POLA1: variants seen among roughly 807,000 people sequenced by gnomAD.
POLA1 encodes the protein DNA polymerase alpha catalytic subunit.
In POLA1, 15 loss-of-function variants were observed where a neutral mutation model predicts 124.0. That is an observed-to-expected ratio of 0.12 (90% confidence interval 0.08 to 0.19). POLA1 has a LOEUF of 0.19. Among genes scored for constraint, POLA1 ranks in the 10% least tolerant of loss-of-function variants. The pLI, the probability that POLA1 is intolerant of heterozygous loss-of-function variation, is 1.00. For synonymous variants in POLA1, 408 were observed against 389.4 expected (o/e 1.05, Z -0.56); for missense variants, 886 against 1,103.4 (o/e 0.80, Z 2.79).
At chrX:24,865,333 A>G (rs1371979025) in intron 34 of POLA1, among the ~76,000 whole-genome samples, 1 of 112,155 alleles carries the variant, frequency 8.9e-6, no homozygotes. Context: ...GGCCCTTTGT[A>G]TTCTCACCAA....
chrX:24,702,993 A>G (rs1928560589), intron 2 of POLA1, among the ~76,000 whole-genome samples: 1 of 112,053 alleles, frequency 8.9e-6, no homozygotes, highest in Non-Finnish European at 1.9e-5. Context: ...TGAGTAATTG[A>G]TGGTATGACA....
At chrX:24,858,052 G>C (rs1401349129) in intron 34 of POLA1, among the ~76,000 whole-genome samples, 4 of 111,985 alleles carry the variant, frequency 3.6e-5, no homozygotes, top group Non-Finnish European at 3.8e-5. Context: ...TTATAAATAA[G>C]AAGGGAGTTA....
intron 16 of POLA1, 152 bp downstream of exon 16, chrX:24,732,606 T>G: frequency 5.1e-6 from 2 of 388,513 alleles, no homozygotes; most frequent in Non-Finnish European, 4.4e-6. Flanking sequence ...TTTGTTTTTT[T>G]TTTTTTTGCC....
chrX:24,836,395 A>G (rs1166584134), intron 32 of POLA1, among the ~76,000 whole-genome samples: 1 of 111,829 alleles, frequency 8.9e-6, no homozygotes, highest in African/African-American at 3.2e-5. Flanking sequence ...GAGAATTGCT[A>G]GGCCATCAGG....
At chrX:24,828,370 T>C (rs1026699253) in intron 32 of POLA1, among the ~76,000 whole-genome samples, 1 of 112,109 alleles carries the variant, frequency 8.9e-6, no homozygotes, top group Non-Finnish European at 1.9e-5. Context: ...TCTTGGCACA[T>C]AGGTAGTAAG....
intron 36 of POLA1, among the ~76,000 whole-genome samples, chrX:24,970,063 G>T (rs760354525): frequency 8.9e-6 from 1 of 112,151 alleles, no homozygotes; most frequent in Admixed American, 9.5e-5. Context: ...TCTTTATTCA[G>T]TCTGTCATTG....
intron 26 of POLA1, among the ~76,000 whole-genome samples, chrX:24,779,604 C>T (rs2045218313): frequency 8.9e-6 from 1 of 111,746 alleles, no homozygotes; most frequent in African/African-American, 3.3e-5. Context: ...GGTAAAAGAA[C>T]CTTCTTAAGG....
intron 34 of POLA1, among the ~76,000 whole-genome samples, chrX:24,865,421 G>C (rs1332058201): frequency 9.0e-6 from 1 of 111,647 alleles, no homozygotes; most frequent in Non-Finnish European, 1.9e-5. Flanking sequence ...TTTTTTACTT[G>C]TTTGTCTGTT....
intron 36 of POLA1, among the ~76,000 whole-genome samples, chrX:24,968,978 G>A (rs1162888547): frequency 2.7e-5 from 3 of 111,430 alleles, no homozygotes; most frequent in Non-Finnish European, 5.6e-5. Flanking sequence ...GGAGGCTAAG[G>A]TGGGCATATC....
At chrX:24,728,690 A>G (rs1930699937) in intron 15 of POLA1, among the ~76,000 whole-genome samples, 1 of 111,647 alleles carries the variant, frequency 9.0e-6, no homozygotes, top group Admixed American at 9.5e-5. Context: ...TTTCCTCTAT[A>G]CCAGGGGTTG....
At chrX:24,700,832 A>G (rs1374009890) in intron 2 of POLA1, among the ~76,000 whole-genome samples, 1 of 111,948 alleles carries the variant, frequency 8.9e-6, no homozygotes, top group African/African-American at 3.3e-5. Flanking sequence ...TTTTTAATGT[A>G]GGTACTTGTA....
At chrX:24,789,480 T>C (rs113853076) in intron 26 of POLA1, among the ~76,000 whole-genome samples, 4,934 of 110,722 alleles carry the variant, frequency 0.045, 292 homozygotes, top group African/African-American at 0.15. Context: ...CATTATAAAC[T>C]ATAAAACATT....
chrX:24,985,003 T>G (rs1298680961), intron 36 of POLA1, among the ~76,000 whole-genome samples: 1 of 110,851 alleles, frequency 9.0e-6, no homozygotes, highest in Non-Finnish European at 1.9e-5. Flanking sequence ...AGTAGGAGTT[T>G]TGTGTGTGTG....
At position 24,955,134 on chromosome X, in the gene POLA1, G is replaced by T. The variant is rs192336778; in HGVS notation, c.4261+24585G>T. 1.4e-3 allele frequency among the ~76,000 whole-genome samples: 153 copies of T among 107,256 alleles called. 1 individual carries two copies. The highest frequency in any genetic ancestry group is 5.0e-3 in the East Asian group (17 of 3,401). 93.1% of individuals were successfully genotyped at this position (107,256 alleles called of 115,157 possible). On this transcript the variant is annotated intron_variant, in intron 36 of 36. Transcript: ENST00000379068. Reference sequence around the variant, plus strand: ...TTTGTTTTTTGTTTGTTTGTTTTTGGTTTTTTTCTCTTTGTTTTTGGTTTT... The same window carrying T: ...TTTGTTTTTTGTTTGTTTGTTTTTGTTTTTTTTCTCTTTGTTTTTGGTTTT...
intron 24 of POLA1, 55 bp downstream of exon 24, chrX:24,745,597 A>G: frequency 1.2e-6 from 1 of 815,721 alleles, no homozygotes. Flanking sequence ...TGCTTAAAGA[A>G]GGAAGATCTG....
chrX:24,704,771 A>G (rs1303355187), intron 4 of POLA1, among the ~76,000 whole-genome samples: 2 of 112,169 alleles, frequency 1.8e-5, no homozygotes, highest in Non-Finnish European at 3.8e-5. Context: ...TGAGGGCTGC[A>G]ACAGTAATTG....
chrX:24,797,987 G>T (rs1297667272), intron 26 of POLA1, among the ~76,000 whole-genome samples: 2 of 110,590 alleles, frequency 1.8e-5, no homozygotes, highest in Non-Finnish European at 3.8e-5. Context: ...GGTCAAGGCT[G>T]CAGTGACCCA....
chrX:24,978,260 G>A (rs752813996), intron 36 of POLA1, among the ~76,000 whole-genome samples: 10 of 111,525 alleles, frequency 9.0e-5, no homozygotes, highest in Non-Finnish European at 1.7e-4. Flanking sequence ...TGTAAATCAA[G>A]CTTCCATCTT....
At chrX:24,922,379 C>T (rs1419116007) in intron 35 of POLA1, among the ~76,000 whole-genome samples, 1 of 110,738 alleles carries the variant, frequency 9.0e-6, no homozygotes, top group East Asian at 2.8e-4. Context: ...GCCACTGTTC[C>T]TGGCCCCATT....
Sources: allele counts gnomAD v4.1 joint callset (sites outside exome capture counted in the v4.1 genomes callset), GRCh38; gene constraint gnomAD v4.1.1; transcripts MANE v1.5; gene names NCBI Gene and HGNC (gene_info 2026-07-23, HGNC 2026-07-21).